CLIC5: variants seen among roughly 807,000 people sequenced by gnomAD.
CLIC5 encodes CLIC family member 5, also known as chloride intracellular channel protein 5.
Under a neutral mutation model 24.7 loss-of-function variants are expected in CLIC5, and 20 were observed. That is an observed-to-expected ratio of 0.81 (90% CI 0.57 to 1.18). The LOEUF is 1.18. Among genes scored for constraint, CLIC5 ranks in the 50% most tolerant of loss-of-function variants. CLIC5 has a pLI of 0.00. For missense variants in CLIC5, 341 were observed against 326.1 expected (o/e 1.05, Z -0.35); for synonymous variants, 159 against 135.6 (o/e 1.17, Z -1.20).
At chr6:46,015,316 A>C (rs1179499498) in intron 1 of CLIC5, among the ~76,000 whole-genome samples, 164 bp downstream of exon 1, 1 of 152,210 alleles carries the variant, frequency 6.6e-6, no homozygotes, top group Non-Finnish European at 1.5e-5. Flanking sequence ...CATTCCGCCC[A>C]GGAGCCTCGC....
At chr6:45,925,324 T>G (rs558586379) in intron 4 of CLIC5, among the ~76,000 whole-genome samples, 2 of 151,890 alleles carry the variant, frequency 1.3e-5, no homozygotes, top group South Asian at 4.2e-4. Context: ...CCGCTTTTTT[T>G]TTTTTTTTTT....
chr6:46,114,045 A>C, the CLIC5 span, among the ~76,000 whole-genome samples: 2 of 152,192 alleles, frequency 1.3e-5, no homozygotes, highest in African/African-American at 4.8e-5. Context: ...ATTGAAGGGA[A>C]ATGGAGAGGA....
At chr6:46,041,257 C>A (rs1209321258) in intron 1 of CLIC5, among the ~76,000 whole-genome samples, 4 of 152,142 alleles carry the variant, frequency 2.6e-5, no homozygotes, top group Non-Finnish European at 5.9e-5. Context: ...ATTAATTAAG[C>A]TTTTTCTTTA....
At chr6:46,043,695 G>A (rs947212772) in intron 1 of CLIC5, among the ~76,000 whole-genome samples, 1 of 152,186 alleles carries the variant, frequency 6.6e-6, no homozygotes, top group Non-Finnish European at 1.5e-5. Flanking sequence ...TCTGAACTGT[G>A]GAGATGGGAA....
intron 1 of CLIC5, among the ~76,000 whole-genome samples, chr6:45,983,440 A>G (rs1446810431): frequency 6.6e-6 from 1 of 152,206 alleles, no homozygotes; most frequent in East Asian, 1.9e-4. Context: ...AATGCTTGGC[A>G]CAAGACACAC....
At chr6:45,882,134 C>T (rs531100540) in intron 6 of CLIC5, among the ~76,000 whole-genome samples, 4 of 152,320 alleles carry the variant, frequency 2.6e-5, no homozygotes, top group African/African-American at 9.6e-5. Context: ...CTTTGAAGTT[C>T]CTGGAGAAAA....
intron 1 of CLIC5, among the ~76,000 whole-genome samples, chr6:46,064,054 A>G (rs1762366658): frequency 6.6e-6 from 1 of 152,236 alleles, no homozygotes; most frequent in South Asian, 2.1e-4. Flanking sequence ...GAAAAATATC[A>G]ATATAAACCC....
chr6:46,040,978 G>T (rs72858604), intron 1 of CLIC5, among the ~76,000 whole-genome samples: 1,624 of 152,212 alleles, frequency 0.011, 11 homozygotes, highest in Non-Finnish European at 0.017. Context: ...AATTAAAAAT[G>T]GTCTGTAAAT....
chr6:45,985,618 C>G (rs745868365), intron 1 of CLIC5, among the ~76,000 whole-genome samples: 1 of 152,080 alleles, frequency 6.6e-6, no homozygotes, highest in Non-Finnish European at 1.5e-5. Flanking sequence ...CATCAAGGGG[C>G]TCCCTGCCCT....
chr6:45,951,633 C>T (rs933748829), intron 2 of CLIC5, among the ~76,000 whole-genome samples: 2 of 152,206 alleles, frequency 1.3e-5, no homozygotes, highest in Middle Eastern at 3.4e-3. Context: ...GAGGGTTACA[C>T]TAAAAATGTT....
downstream of CLIC5, among the ~76,000 whole-genome samples, chr6:45,897,448 G>A (rs1458671396): frequency 5.9e-5 from 9 of 152,038 alleles, no homozygotes; most frequent in Admixed American, 5.2e-4. Context: ...GTAGGGAGGA[G>A]GGAGGTGGTG....
At chr6:45,961,984 A>G (rs1764857621) in intron 1 of CLIC5, among the ~76,000 whole-genome samples, 1 of 151,942 alleles carries the variant, frequency 6.6e-6, no homozygotes, top group Admixed American at 6.6e-5. Context: ...TATTGGTCAG[A>G]GTTCTCCAGA....
rs142892353 is a variant in CLIC5 at position 45,951,088 on chromosome 6, C to T, written c.174-1707G>A. ...CTTCTTATAGCAAACTTTGCTGGGCCCAGTAGGATCTTTTAGGTAACACAT... is the reference window on the plus strand; with the variant it reads ...CTTCTTATAGCAAACTTTGCTGGGCTCAGTAGGATCTTTTAGGTAACACAT... On this transcript the variant is annotated intron_variant, in intron 2 of 5. Transcript: ENST00000339561. Among the ~76,000 whole-genome samples, 5 of 152,094 alleles carry T rather than the reference C, an allele frequency of 3.3e-5. No homozygotes were observed. The East Asian group carries it at 9.7e-4, about 29-fold the overall frequency.
At chr6:45,918,010 T>G (rs1418287537) in intron 4 of CLIC5, among the ~76,000 whole-genome samples, 1 of 152,188 alleles carries the variant, frequency 6.6e-6, no homozygotes, top group Non-Finnish European at 1.5e-5. Flanking sequence ...ATCACTAACA[T>G]CCCAGGGACT....
At chr6:45,951,445 C>G (rs753450626) in intron 2 of CLIC5, among the ~76,000 whole-genome samples, 17 of 152,186 alleles carry the variant, frequency 1.1e-4, no homozygotes, top group Non-Finnish European at 2.2e-4. Flanking sequence ...ACACTGACTA[C>G]CTGCAGGAAG....
chr6:46,013,218 C>T (rs1199397475), intron 1 of CLIC5, among the ~76,000 whole-genome samples: 3 of 152,226 alleles, frequency 2.0e-5, no homozygotes, highest in African/African-American at 7.2e-5. Flanking sequence ...ACCCACCCTG[C>T]CCTGCAGAAA....
chr6:45,943,091 C>T (rs1421919609), intron 3 of CLIC5, among the ~76,000 whole-genome samples: 1 of 152,238 alleles, frequency 6.6e-6, no homozygotes, highest in African/African-American at 2.4e-5. Context: ...CTCCTCAGAA[C>T]AACTCTATTG....
the CLIC5 span, among the ~76,000 whole-genome samples, chr6:46,095,087 G>A: frequency 7.9e-5 from 12 of 152,172 alleles, no homozygotes; most frequent in African/African-American, 2.7e-4. Context: ...TTTAAGCCAC[G>A]GCTGGGGTAG....
At chr6:45,954,699 G>A (rs977544359) in intron 2 of CLIC5, among the ~76,000 whole-genome samples, 9 of 152,170 alleles carry the variant, frequency 5.9e-5, no homozygotes, top group Non-Finnish European at 1.3e-4. Context: ...TCACACTGAG[G>A]ACTTCTAAAG....
Sources: allele counts gnomAD v4.1 joint callset (sites outside exome capture counted in the v4.1 genomes callset), GRCh38; gene constraint gnomAD v4.1.1; transcripts MANE v1.5; gene names NCBI Gene and HGNC (gene_info 2026-07-23, HGNC 2026-07-21).